Variants in ARHGEF1 observed in about 807,000 individuals in gnomAD.
ARHGEF1 encodes the protein Rho guanine nucleotide exchange factor 1.
Under a neutral mutation model 119.7 loss-of-function variants are expected in ARHGEF1, and 40 were observed. The observed-to-expected ratio is 0.33, with a 90% CI of 0.26 to 0.44. The LOEUF (loss-of-function observed/expected upper bound fraction) is 0.44. Among genes scored for constraint, ARHGEF1 ranks in the 20% least tolerant of loss-of-function variants. ARHGEF1 has a pLI of 1.00. For missense variants in ARHGEF1, 976 were observed against 1,268.3 expected (o/e 0.77, Z 3.50); for synonymous variants, 494 against 521.0 (o/e 0.95, Z 0.71).
At chr19:41,894,822 C>G (rs528545949) in intron 11 of ARHGEF1, among the ~76,000 whole-genome samples, 161 bp downstream of exon 11, 1 of 123,434 alleles carries the variant, frequency 8.1e-6, no homozygotes, top group East Asian at 2.6e-4. Context: ...GGAGGAGGGG[C>G]TGGGGGAGCT....
intron 18 of ARHGEF1, chr19:41,912,824 A>G: frequency 8.8e-6 from 6 of 679,108 alleles, no homozygotes; most frequent in African/African-American, 2.2e-5. Flanking sequence ...GGGGTGGGGG[A>G]AGGGGTGGGG....
At chr19:41,907,618 A>T (rs2074723175), downstream of ARHGEF1, 4 of 553,204 alleles carry the variant, frequency 7.2e-6, no homozygotes, top group South Asian at 6.8e-5. Context: ...GGCACTCCGT[A>T]CACACACTGG....
upstream of ARHGEF1, among the ~76,000 whole-genome samples, chr19:41,919,799 C>G (rs2074827375): frequency 6.6e-6 from 1 of 150,816 alleles, no homozygotes; most frequent in African/African-American, 2.5e-5. Context: ...GATAACTGCC[C>G]CAGGTCCCTG....
upstream of ARHGEF1, among the ~76,000 whole-genome samples, chr19:41,918,328 C>T (rs2074814758): frequency 6.6e-6 from 1 of 151,142 alleles, no homozygotes; most frequent in Non-Finnish European, 1.5e-5. Context: ...CACATACACA[C>T]ACACGGTACA....
chr19:41,893,239 C>G (rs1555846685), intron 7 of ARHGEF1, 35 bp from the exon 8 acceptor site: 2 of 1,612,142 alleles, frequency 1.2e-6, no homozygotes, highest in Non-Finnish European at 1.7e-6. Flanking sequence ...CCAGGCCTAG[C>G]AAATATGTCA....
chr19:41,892,456 C>T lies in ARHGEF1; in HGVS notation c.367+83C>T. ...GGCCAAGGGGAGGGAGGCCGCACTC[C>T]CATGCTCTGCTCGGACAGCCGAGAT... On this transcript the variant is annotated intron_variant, in intron 6 of 28. Coordinates refer to ENST00000354532, the MANE Select transcript of ARHGEF1 (RefSeq NM_004706.4). The surrounding 1 kb of genome is among the most constrained non-coding windows in gnomAD (Gnocchi z 6.3). The T allele has an allele frequency of 6.2e-7, 1 of 1,602,656 alleles. No individual in the cohort carries two copies. Among genetic ancestry groups the T allele is most frequent in the Non-Finnish European group, 8.5e-7 (1 of 1,171,214 alleles).
chr19:41,895,250 T>G, intron 11 of ARHGEF1, 99 bp from the exon 12 acceptor site: 2 of 1,446,384 alleles, frequency 1.4e-6, no homozygotes, highest in Non-Finnish European at 1.9e-6. Flanking sequence ...CTTGTCATGG[T>G]GGGGAAGGGC....
At chr19:41,922,113 G>A (rs868922874), upstream of ARHGEF1, among the ~76,000 whole-genome samples, 3 of 152,110 alleles carry the variant, frequency 2.0e-5, no homozygotes, top group Admixed American at 6.5e-5. Flanking sequence ...GAGCTGAAGC[G>A]GGGTGTGGTG....
chr19:41,892,994 G>A lies in ARHGEF1; in HGVS notation c.614+145G>A. On this transcript the variant is annotated intron_variant, in intron 7 of 28. Coordinates refer to ENST00000354532, the MANE Select transcript of ARHGEF1 (RefSeq NM_004706.4). The surrounding 1 kb of genome is among the most constrained non-coding windows in gnomAD (Gnocchi z 6.3). The stretch of plus-strand genomic sequence containing the variant: ...GGCACTGGGGGTCTTCCTCTACCCT[G>A]GTGTTTTAACTCACCTTGAATCCGA... The A allele has an allele frequency of 7.8e-7, 1 of 1,276,266 alleles. No individual in the cohort carries two copies. Among genetic ancestry groups the A allele is most frequent in the Non-Finnish European group, 1.0e-6 (1 of 958,498 alleles). 79.1% of individuals were successfully genotyped at this position (1,276,266 alleles called of 1,614,324 possible).
intron 11 of ARHGEF1, 60 bp from the exon 12 acceptor site, chr19:41,895,289 G>A (rs1159888346): frequency 6.5e-6 from 10 of 1,547,414 alleles, no homozygotes; most frequent in South Asian, 3.6e-5. Context: ...ATCCCCTGGC[G>A]GTTGTGGATT....
At chr19:41,929,103 A>G (rs2074890366) in intron 2 of ARHGEF1, 1 of 300,436 alleles carries the variant, frequency 3.3e-6, no homozygotes, top group Middle Eastern at 5.7e-4. Flanking sequence ...ACCGTAATAC[A>G]GGAAGTGGAA....
At chr19:41,907,017 C>T in intron 28 of ARHGEF1, 88 bp from the exon 29 acceptor site, 3 of 1,283,544 alleles carry the variant, frequency 2.3e-6, no homozygotes, top group African/African-American at 1.5e-5. Context: ...CCTTCTCTCT[C>T]TGCTCTCCCT....
intron 14 of ARHGEF1, 105 bp downstream of exon 14, chr19:41,898,692 C>T (rs1482669293): frequency 2.8e-5 from 39 of 1,398,260 alleles, no homozygotes; most frequent in Non-Finnish European, 3.3e-5. Flanking sequence ...CATTTACCAT[C>T]GGGAGAACTT....
In ARHGEF1 at chr19:41,901,937, G is replaced by A. The variant is rs782375583; in HGVS notation, c.1318G>A (p.Asp440Asn). The change falls in exon 15 of 29, where the codon GAC (aspartate) becomes AAC (asparagine). Residue 440 changes from aspartate (D) to asparagine (N), a missense_variant. This residue lies in a region of ARHGEF1 where 286 missense variants were observed against 506.8 expected (regional missense o/e 0.56). Coordinates refer to ENST00000354532, the MANE Select transcript of ARHGEF1 (RefSeq NM_004706.4). ...AHVRMLRVLH[D>N]LFFQPMAECL... ...CGTGCGCATGCTGCGGGTGCTGCACGACCTCTTCTTCCAGCCCATGGCAGA... is the reference window on the plus strand; with the variant it reads ...CGTGCGCATGCTGCGGGTGCTGCACAACCTCTTCTTCCAGCCCATGGCAGA... 26 of 1,613,518 alleles carry A rather than the reference G, an allele frequency of 1.6e-5. No homozygotes were observed. The highest frequency in any genetic ancestry group is 8.9e-5 in the East Asian group (4 of 44,894).
rs782603453 is a variant in ARHGEF1, at chr19:41,898,526, C to T, written c.1206C>T (p.Val402=). ...PEEPPGWREL[V]PPDTLHSLPK... is the part of the protein sequence containing the mutation. ...AGCCTCCCGGCTGGCGGGAACTCGT[C>T]CCCCCAGACACCCTGCACAGCCTGC... Residue 402 remains valine (V), a synonymous_variant, in exon 14 of 29, where the codon GTC becomes GTT. Coordinates refer to ENST00000354532, the MANE Select transcript of ARHGEF1 (RefSeq NM_004706.4). The T allele has an allele frequency of 1.2e-5, 18 of 1,564,478 alleles. No homozygotes were observed. In the Middle Eastern group the frequency reaches 5.1e-4, roughly 45 times the overall value.
At chr19:41,927,805 G>A (rs1207145006) in intron 1 of ARHGEF1, among the ~76,000 whole-genome samples, 1 of 139,608 alleles carries the variant, frequency 7.2e-6, no homozygotes, top group Non-Finnish European at 1.5e-5. Context: ...CCCAAATCTC[G>A]CACCCCTGTC....
At chr19:41,909,061 A>G, downstream of ARHGEF1, 1 of 1,230,362 alleles carries the variant, frequency 8.1e-7, no homozygotes, top group Non-Finnish European at 1.0e-6. The surrounding 1 kb of genome is among the most constrained non-coding windows in gnomAD (Gnocchi z 5.2). Flanking sequence ...GGCTCTTACC[A>G]GAGCCCAGGA....
chr19:41,908,235 C>T (rs2074729450), downstream of ARHGEF1: 2 of 1,231,640 alleles, frequency 1.6e-6, no homozygotes, highest in South Asian at 8.2e-5. This position sits in a 1 kb window ranked among gnomAD's most constrained non-coding sequence, Gnocchi z 6.7. Flanking sequence ...GGCTCAGCTG[C>T]CGGTCCCCCC....
intron 1 of ARHGEF1, among the ~76,000 whole-genome samples, chr19:41,926,704 G>T (rs1249228716): frequency 1.3e-5 from 2 of 150,672 alleles, no homozygotes; most frequent in African/African-American, 4.8e-5. Flanking sequence ...GGGCCGCGGC[G>T]GCCGGCCGGG....
Sources: gnomAD v4.1 joint callset for allele counts (sites outside exome capture counted in the v4.1 genomes callset) on GRCh38, gnomAD v4.1.1 for gene constraint, gnomAD v4.1.1 regional missense constraint, Gnocchi (gnomAD v3.1) non-coding constraint, MANE v1.5 for transcripts, NCBI Gene and HGNC (gene_info 2026-07-23, HGNC 2026-07-21) for gene names.